Variants in MAF observed in about 807,000 individuals in gnomAD.
The protein encoded by MAF is transcription factor Maf.
A neutral mutation model predicts 22.0 loss-of-function variants in MAF; 10 were observed. The observed-to-expected ratio is 0.45, with a 90% CI of 0.28 to 0.77. MAF has a LOEUF of 0.77. MAF is among the 30% of genes least tolerant of loss of function. The pLI is 0.12. For missense variants in MAF, 544 were observed against 548.4 expected (o/e 0.99, Z 0.08); for synonymous variants, 337 against 255.8 (o/e 1.32, Z -3.03).
intron 1 of MAF, chr16:79,597,609 T>TAC: frequency 2.0e-6 from 2 of 1,022,592 alleles, no homozygotes; most frequent in Non-Finnish European, 2.3e-6. Flanking sequence ...TCAAAGCAGT[T>TAC]TTGGAGCAGA....
chr16:79,586,029 C>G (rs1461779197), intron 1 of MAF: 4 of 592,336 alleles, frequency 6.8e-6, no homozygotes, highest in Non-Finnish European at 1.2e-5. Context: ...GGCAGCCTAA[C>G]TATCTATCAA....
the MAF span, among the ~76,000 whole-genome samples, chr16:79,315,913 G>C: frequency 1.1e-4 from 17 of 152,204 alleles, no homozygotes; most frequent in Admixed American, 1.1e-3. Flanking sequence ...ATCTGCTCCT[G>C]GGTGTGTGGG....
the MAF span, among the ~76,000 whole-genome samples, chr16:79,495,906 T>A: frequency 6.6e-6 from 1 of 152,202 alleles, no homozygotes; most frequent in Admixed American, 6.5e-5. Context: ...TTATGGAGTT[T>A]CTATTATAGT....
the MAF span, among the ~76,000 whole-genome samples, chr16:79,213,979 T>C: frequency 6.6e-6 from 1 of 152,124 alleles, no homozygotes; most frequent in African/African-American, 2.4e-5. Flanking sequence ...GCCACTCTAG[T>C]CTTCCTCTGT....
the MAF span, among the ~76,000 whole-genome samples, chr16:79,364,146 T>C: frequency 6.6e-6 from 1 of 152,092 alleles, no homozygotes; most frequent in Non-Finnish European, 1.5e-5. Flanking sequence ...CATGCCCTAA[T>C]TGGGAGCTTA....
chr16:79,293,903 T>A, the MAF span, among the ~76,000 whole-genome samples: 1 of 152,096 alleles, frequency 6.6e-6, no homozygotes. Flanking sequence ...TGTCTCTATC[T>A]GAGAATGTGA....
chr16:79,209,855 T>G, the MAF span, among the ~76,000 whole-genome samples: 15 of 152,320 alleles, frequency 9.8e-5, no homozygotes, highest in Non-Finnish European at 1.9e-4. Context: ...TCAGGGTTAT[T>G]AGGAATAATA....
At chr16:79,424,630 A>T in the MAF span, among the ~76,000 whole-genome samples, 2 of 152,206 alleles carry the variant, frequency 1.3e-5, no homozygotes, top group Non-Finnish European at 2.9e-5. Context: ...GGACCTGGGC[A>T]CTGTGTTTAC....
At chr16:79,273,183 G>A in the MAF span, among the ~76,000 whole-genome samples, 1 of 152,044 alleles carries the variant, frequency 6.6e-6, no homozygotes, top group African/African-American at 2.4e-5. Flanking sequence ...CCTGATCCCT[G>A]CTTTCAACCC....
chr16:79,552,350 G>A, the MAF span, among the ~76,000 whole-genome samples: 2 of 152,006 alleles, frequency 1.3e-5, no homozygotes, highest in Non-Finnish European at 2.9e-5. Context: ...TGGACTACTG[G>A]TGTGCACCAC....
the MAF span, among the ~76,000 whole-genome samples, chr16:79,297,689 C>A: frequency 6.6e-6 from 1 of 152,208 alleles, no homozygotes. Flanking sequence ...CATTCTCATT[C>A]TTCACATTAT....
the MAF span, among the ~76,000 whole-genome samples, chr16:79,209,629 T>G: frequency 8.5e-5 from 13 of 152,262 alleles, no homozygotes; most frequent in Non-Finnish European, 1.6e-4. Context: ...AATGAAAATA[T>G]ATGACAGATA....
At chr16:79,365,726 G>C in the MAF span, among the ~76,000 whole-genome samples, 1 of 152,056 alleles carries the variant, frequency 6.6e-6, no homozygotes, top group Non-Finnish European at 1.5e-5. Context: ...CCATCTTCAA[G>C]ACCATGCCAC....
the MAF span, among the ~76,000 whole-genome samples, chr16:79,502,928 C>T: frequency 6.6e-6 from 1 of 151,182 alleles, no homozygotes; most frequent in Non-Finnish European, 1.5e-5. Flanking sequence ...ACTAAAACTA[C>T]ACACATCTTA....
chr16:79,297,900 G>A, the MAF span, among the ~76,000 whole-genome samples: 1 of 152,170 alleles, frequency 6.6e-6, no homozygotes, highest in Non-Finnish European at 1.5e-5. Context: ...CACCTGGGGA[G>A]CCCCACCCAA....
chr16:79,398,700 A>AC, the MAF span, among the ~76,000 whole-genome samples: 55,725 of 150,952 alleles, frequency 0.37, 10,847 homozygotes, highest in Admixed American at 0.44. Flanking sequence ...CTTGGACTTG[A>AC]CCTCCCCATC....
the MAF span, among the ~76,000 whole-genome samples, chr16:79,263,642 C>G: frequency 1.3e-5 from 2 of 152,180 alleles, no homozygotes; most frequent in Non-Finnish European, 2.9e-5. Flanking sequence ...AATTTTGAAA[C>G]CATAGGGTTT....
the MAF span, among the ~76,000 whole-genome samples, chr16:79,333,010 C>T: frequency 6.6e-6 from 1 of 152,210 alleles, no homozygotes; most frequent in South Asian, 2.1e-4. Context: ...GCTGGACTGG[C>T]GCACAGCAGG....
the MAF span, among the ~76,000 whole-genome samples, chr16:79,317,423 C>G: frequency 6.8e-6 from 1 of 146,318 alleles, no homozygotes; most frequent in African/African-American, 2.5e-5. Context: ...TCCCTCCTTT[C>G]TCCCTTTCTT....
Sources: gnomAD v4.1 joint callset for allele counts (sites outside exome capture counted in the v4.1 genomes callset) on GRCh38, gnomAD v4.1.1 for gene constraint, MANE v1.5 for transcripts, NCBI Gene and HGNC (gene_info 2026-07-23, HGNC 2026-07-21) for gene names.